SCAF8: variants seen among roughly 807,000 people sequenced by gnomAD.
SCAF8 encodes the protein SR-related CTD associated factor 8.
SCAF8 carries 23 observed loss-of-function variants against 140.5 expected under a neutral mutation model. The ratio of observed to expected loss-of-function variants is 0.16; its 90% CI spans 0.12 to 0.23. The LOEUF (loss-of-function observed/expected upper bound fraction) is 0.23. Among genes scored for constraint, SCAF8 ranks in the 10% least tolerant of loss-of-function variants. The pLI is 1.00. For missense variants in SCAF8, 1,397 were observed against 1,555.7 expected (o/e 0.90, Z 1.72); for synonymous variants, 575 against 528.9 (o/e 1.09, Z -1.20).
chr6:154,748,279 C>T (rs902444595), intron 1 of SCAF8, among the ~76,000 whole-genome samples: 1 of 152,086 alleles, frequency 6.6e-6, no homozygotes, highest in Non-Finnish European at 1.5e-5. Flanking sequence ...AAATATTATT[C>T]ACATACATAA....
chr6:154,803,152 A>G (rs1263311376), intron 7 of SCAF8, among the ~76,000 whole-genome samples: 1 of 152,182 alleles, frequency 6.6e-6, no homozygotes, highest in Non-Finnish European at 1.5e-5. Flanking sequence ...AAAAGCCTTT[A>G]AATTGAGCAT....
intron 3 of SCAF8, among the ~76,000 whole-genome samples, chr6:154,784,728 A>G (rs1172642964): frequency 1.3e-5 from 2 of 152,320 alleles, no homozygotes; most frequent in East Asian, 3.9e-4. Context: ...CATTTTATAT[A>G]AGGGACGTGA....
At chr6:154,751,613 G>T (rs1366312788) in intron 1 of SCAF8, among the ~76,000 whole-genome samples, 1 of 152,088 alleles carries the variant, frequency 6.6e-6, no homozygotes, top group Non-Finnish European at 1.5e-5. Context: ...GATTAAACTT[G>T]TTCAGTCATA....
Position 154,818,560 on chromosome 6 carries a change from G to A in SCAF8, c.1603G>A (p.Gly535Arg). The A allele has an allele frequency of 6.2e-7, 1 of 1,604,520 alleles. No individual in the cohort carries two copies. The highest frequency in any genetic ancestry group is 8.5e-7 in the Non-Finnish European group (1 of 1,175,036). Residue 535 changes from glycine to arginine, a missense_variant, in exon 14 of 20, where the codon GGA becomes AGA. Around this residue, in one of 5 missense-constraint regions of SCAF8, gnomAD observed 59 missense variants for 110.7 expected, o/e 0.53. Transcript: ENST00000367178. ...AFRALQKLSS[G>R]SYKIGSKVIK... Reference sequence around the variant, plus strand: ...TCGAGCTCTTCAGAAACTCAGTTCTGGATCATATAAAATTGGGTCCAAGGT... The same window carrying A: ...TCGAGCTCTTCAGAAACTCAGTTCTAGATCATATAAAATTGGGTCCAAGGT...
intron 19 of SCAF8, among the ~76,000 whole-genome samples, chr6:154,831,597 T>C (rs898239134): frequency 6.6e-6 from 1 of 151,446 alleles, no homozygotes; most frequent in African/African-American, 2.4e-5. Flanking sequence ...TTAAGAATTA[T>C]GGTTTAGAGG....
chr6:154,737,626 T>A (rs1778458900), intron 1 of SCAF8, among the ~76,000 whole-genome samples: 1 of 152,194 alleles, frequency 6.6e-6, no homozygotes, highest in Non-Finnish European at 1.5e-5. Context: ...GAGGATCTCA[T>A]GACCCAGGAA....
intron 1 of SCAF8, among the ~76,000 whole-genome samples, chr6:154,772,163 TTAAC>T (rs1017387916): frequency 2.6e-4 from 38 of 147,638 alleles, no homozygotes; most frequent in African/African-American, 1.0e-3. Context: ...TTGTAGTTAA[TTAAC>T]CAAGAAATTC....
chr6:154,734,036 G>A (rs1778339871), intron 1 of SCAF8, 106 bp downstream of exon 1: 2 of 1,406,880 alleles, frequency 1.4e-6, no homozygotes, highest in South Asian at 1.7e-5. Flanking sequence ...TTTTAAGGGT[G>A]GGGTGAGCGG....
chr6:154,774,150 TG>T, intron 2 of SCAF8, 78 bp downstream of exon 2: 4 of 946,780 alleles, frequency 4.2e-6, no homozygotes, highest in Non-Finnish European at 6.7e-6. Flanking sequence ...AATTTTTTTA[TG>T]GATTATATGT....
chr6:154,815,625 T>C (rs1778227745), intron 12 of SCAF8, 91 bp from the exon 13 acceptor site: 3 of 518,192 alleles, frequency 5.8e-6, no homozygotes, highest in African/African-American at 5.8e-5. Flanking sequence ...AATTTAATTA[T>C]TATGTGTATT....
chr6:154,751,639 C>T (rs1412570491), intron 1 of SCAF8, among the ~76,000 whole-genome samples: 1 of 152,150 alleles, frequency 6.6e-6, no homozygotes, highest in Non-Finnish European at 1.5e-5. Flanking sequence ...ACTAGGTGCA[C>T]ATAGTTAGTG....
At chr6:154,748,574 G>A (rs1778763431) in intron 1 of SCAF8, among the ~76,000 whole-genome samples, 1 of 151,668 alleles carries the variant, frequency 6.6e-6, no homozygotes, top group African/African-American at 2.4e-5. Flanking sequence ...TTTTAAATTT[G>A]CCTTTGTAAA....
At chr6:154,821,488 A>G (rs1443453372) in intron 15 of SCAF8, among the ~76,000 whole-genome samples, 1 of 152,188 alleles carries the variant, frequency 6.6e-6, no homozygotes, top group Non-Finnish European at 1.5e-5. Flanking sequence ...CAAAATAGAT[A>G]AACTATATAG....
intron 1 of SCAF8, among the ~76,000 whole-genome samples, chr6:154,744,391 GAAA>G (rs955396494): frequency 2.0e-5 from 3 of 151,132 alleles, no homozygotes; most frequent in Admixed American, 1.3e-4. Flanking sequence ...AAATTAAAAA[GAAA>G]AAAAAGGAGG....
Position 154,739,066 on chromosome 6 carries a change from A to C in SCAF8, c.30+5136A>C, listed in dbSNP as rs1424756504. Among the ~76,000 whole-genome samples the C allele has an allele frequency of 2.6e-5, 4 of 152,180 alleles. No individual in the cohort carries two copies. The East Asian group carries it at 5.8e-4, about 22-fold the overall frequency. On this transcript the variant is annotated intron_variant, in intron 1 of 19. Coordinates refer to ENST00000367178, the MANE Select transcript of SCAF8 (RefSeq NM_014892.5). ...AAGGACAGGATCATAGCTTACTGTA[A>C]CCTCGAACTCCTGGGCTCAAGTGAT...
At chr6:154,803,888 A>G (rs1384441034) in intron 8 of SCAF8, among the ~76,000 whole-genome samples, 2 of 152,208 alleles carry the variant, frequency 1.3e-5, no homozygotes, top group East Asian at 3.8e-4. Context: ...TTTCCATATT[A>G]GGCTTTAAGT....
intron 5 of SCAF8, 115 bp from the exon 6 acceptor site, chr6:154,794,891 TAAA>T (rs1262092014): frequency 7.9e-6 from 7 of 881,480 alleles, no homozygotes; most frequent in Admixed American, 5.6e-5. Flanking sequence ...CACAATAAAA[TAAA>T]AACAATATGC....
rs768734023 is a variant in SCAF8, at chr6:154,810,022, A to G, written c.1234A>G (p.Arg412Gly). Residue 412 changes from arginine (R) to glycine (G), a missense_variant, in exon 12 of 20, where the codon AGA becomes GGA. Arg to Gly is a moderately radical substitution (Grantham distance 125). Transcript: ENST00000367178. ...AATGAAAATTTTTTGTAGATCACCA[A>G]GAAAACGAAGGTCTAGGTCACGGTC... is the stretch of plus-strand genomic sequence containing the variant. ...THSRSRSRSP[R>G]KRRSRSRSGS... The G allele has an allele frequency of 1.9e-6, 3 of 1,588,682 alleles. No homozygotes were observed. Among genetic ancestry groups the G allele is most frequent in the Admixed American group, 1.9e-5 (1 of 51,306 alleles).
In SCAF8 at chr6:154,832,449, T is replaced by C. The variant is rs1477378663; in HGVS notation, c.2870T>C (p.Val957Ala). 1 of 1,614,106 alleles carries C rather than the reference T, an allele frequency of 6.2e-7. No individual in the cohort carries two copies. Among genetic ancestry groups the C allele is most frequent in the Non-Finnish European group, 8.5e-7 (1 of 1,179,980 alleles). The change falls in exon 20 of 20, where the codon GTA becomes GCA. Residue 957 changes from valine (V) to alanine (A), a missense_variant. Val to Ala is a moderately conservative substitution (Grantham distance 64). This residue lies in a region of SCAF8 where 930 missense variants were observed against 874.6 expected (regional missense o/e 1.06). Coordinates refer to ENST00000367178, the MANE Select transcript of SCAF8 (RefSeq NM_014892.5). ...PPQRGIPPPS[V>A]LDSALHPPPR... ...CAACGGGGAATCCCACCCCCATCGG[T>C]ACTTGATTCAGCTCTTCATCCACCA...
Sources: gnomAD v4.1 joint callset for allele counts (sites outside exome capture counted in the v4.1 genomes callset) on GRCh38, gnomAD v4.1.1 for gene constraint, gnomAD v4.1.1 regional missense constraint, MANE v1.5 for transcripts, NCBI Gene and HGNC (gene_info 2026-07-23, HGNC 2026-07-21) for gene names.